CCDC81: variants seen among roughly 807,000 people sequenced by gnomAD.
The protein encoded by CCDC81 is coiled-coil domain-containing protein 81.
Under a neutral mutation model 83.7 loss-of-function variants are expected in CCDC81, and 79 were observed. The observed-to-expected ratio is 0.94, with a 90% CI of 0.79 to 1.14. CCDC81 has a LOEUF of 1.14. Among genes scored for constraint, CCDC81 ranks in the 50% most tolerant of loss-of-function variants. The pLI is 0.00. For missense variants in CCDC81, 791 were observed against 778.1 expected (o/e 1.02, Z -0.20); for synonymous variants, 252 against 278.1 (o/e 0.91, Z 0.93).
intron 4 of CCDC81, among the ~76,000 whole-genome samples, chr11:86,393,953 T>G (rs970409933): frequency 4.6e-5 from 7 of 152,184 alleles, no homozygotes; most frequent in African/African-American, 1.4e-4. Context: ...CATTTCTCCT[T>G]TTATGAAGCT....
chr11:86,391,901 G>A (rs146794604), intron 3 of CCDC81, among the ~76,000 whole-genome samples: 341 of 152,340 alleles, frequency 2.2e-3, no homozygotes, highest in African/African-American at 7.8e-3. Context: ...GGCAGAAGGT[G>A]CAGGGGAAGC....
intron 8 of CCDC81, 75 bp from the exon 9 acceptor site, chr11:86,408,052 A>C: frequency 6.8e-7 from 1 of 1,465,894 alleles, no homozygotes; most frequent in Non-Finnish European, 9.3e-7. Flanking sequence ...TAGCCTTTGG[A>C]GAGCTTGTGA....
Position 86,415,369 on chromosome 11 carries a change from T to C in CCDC81, c.1691+56T>C. 3 of 1,402,982 alleles carry C rather than the reference T, an allele frequency of 2.1e-6. No homozygotes were observed. In the South Asian group the frequency reaches 3.6e-5, roughly 17 times the overall value. 86.9% of individuals were successfully genotyped at this position (1,402,982 alleles called of 1,614,324 possible). A position where few individuals can be genotyped will look rare whatever the true frequency, so the allele number is the denominator to read the frequency against. Reference sequence around the variant, plus strand: ...CTTCTCCTCACTTATTCCGCTTCCTTTATCTCTCTTTTTCCACCCTGTCCC... The same window carrying C: ...CTTCTCCTCACTTATTCCGCTTCCTCTATCTCTCTTTTTCCACCCTGTCCC... On this transcript the variant is annotated intron_variant, in intron 13 of 14. Coordinates refer to ENST00000445632, the MANE Select transcript of CCDC81 (RefSeq NM_001156474.2).
intron 3 of CCDC81, among the ~76,000 whole-genome samples, chr11:86,388,968 T>C (rs965611509): frequency 1.3e-5 from 2 of 152,180 alleles, no homozygotes; most frequent in African/African-American, 4.8e-5. Flanking sequence ...CATATATGAC[T>C]GAATTAGTTC....
At chr11:86,386,234 A>G (rs982122869) in intron 2 of CCDC81, 122 bp downstream of exon 2, 4 of 279,246 alleles carry the variant, frequency 1.4e-5, no homozygotes, top group Non-Finnish European at 2.6e-5. Context: ...AGTAGACTTT[A>G]GAGCCATCCT....
chr11:86,402,621 A>G (rs188531504), intron 7 of CCDC81, among the ~76,000 whole-genome samples: 1 of 152,344 alleles, frequency 6.6e-6, no homozygotes, highest in African/African-American at 2.4e-5. Flanking sequence ...TAAAAACTTT[A>G]AAGTTAAATT....
intron 13 of CCDC81, among the ~76,000 whole-genome samples, chr11:86,417,720 T>A (rs542827059): frequency 1.7e-4 from 26 of 152,106 alleles, no homozygotes; most frequent in Non-Finnish European, 3.4e-4. Flanking sequence ...GGCTGCTGTG[T>A]CCAATGTACG....
chr11:86,406,204 C>T (rs1283526673), intron 7 of CCDC81, among the ~76,000 whole-genome samples: 1 of 152,162 alleles, frequency 6.6e-6, no homozygotes, highest in Non-Finnish European at 1.5e-5. Context: ...CTCTTGAGTG[C>T]TGATTCTTGG....
chr11:86,396,011 T>C lies in CCDC81; in HGVS notation c.635+598T>C, dbSNP rs76708520. ...TTAGTCCCTGCAGTATTAGTAAAAC[T>C]CTTCTCACCTGCTGAACTTTCCACT... On this transcript the variant is annotated intron_variant, in intron 5 of 14. Coordinates refer to ENST00000445632, the MANE Select transcript of CCDC81 (RefSeq NM_001156474.2). Among the ~76,000 whole-genome samples, 1,213 of 152,298 alleles carry C rather than the reference T, an allele frequency of 8.0e-3. 12 individuals carry two copies. The highest frequency in any genetic ancestry group is 0.028 in the African/African-American group (1,151 of 41,556).
rs185535956 is a variant in CCDC81, at chr11:86,405,742, A to C, written c.882-1872A>C. On this transcript the variant is annotated intron_variant, in intron 7 of 14. Coordinates refer to ENST00000445632, the MANE Select transcript of CCDC81 (RefSeq NM_001156474.2). The stretch of plus-strand genomic sequence containing the variant: ...CAATGATTAATTTGGATTTGTCAAC[A>C]TGTTTTACCAATTTCTTTGGTCACC... Among the ~76,000 whole-genome samples, 16 of 149,306 alleles carry C rather than the reference A, an allele frequency of 1.1e-4. No individual in the cohort carries two copies. In the East Asian group the frequency reaches 2.7e-3, roughly 25 times the overall value.
chr11:86,419,737 C>A, intron 13 of CCDC81, 191 bp from the exon 14 acceptor site: 1 of 459,222 alleles, frequency 2.2e-6, no homozygotes. Flanking sequence ...GATAAAAGAC[C>A]TTTGATCCAT....
intron 7 of CCDC81, among the ~76,000 whole-genome samples, chr11:86,401,742 A>G (rs1948490719): frequency 6.6e-6 from 1 of 152,182 alleles, no homozygotes; most frequent in African/African-American, 2.4e-5. Context: ...CGAAGACAAC[A>G]AAAGTACAGA....
At chr11:86,420,188 A>T in intron 14 of CCDC81, 135 bp downstream of exon 14, 1 of 982,520 alleles carries the variant, frequency 1.0e-6, no homozygotes, top group Non-Finnish European at 1.5e-6. Flanking sequence ...TCCATGGGAA[A>T]TACTGCCGTG....
rs949381230 is a variant in CCDC81, at chr11:86,385,974, T to G, written c.80-77T>G. The G allele has an allele frequency of 1.4e-5, 10 of 694,572 alleles. No individual in the cohort carries two copies. In the South Asian group the frequency reaches 1.7e-4, roughly 12 times the overall value. 43.0% of individuals were successfully genotyped at this position (694,572 alleles called of 1,614,324 possible). A position where few individuals can be genotyped will look rare whatever the true frequency, so the allele number is the denominator to read the frequency against. On this transcript the variant is annotated intron_variant, in intron 1 of 14. Coordinates refer to ENST00000445632, the MANE Select transcript of CCDC81 (RefSeq NM_001156474.2). ...GCTTCCACATTTCATATTTACATTT[T>G]TATTTATTAGCACTAAGATACTGTC... is the stretch of plus-strand genomic sequence containing the variant.
intron 3 of CCDC81, among the ~76,000 whole-genome samples, chr11:86,389,757 G>A (rs1315348782): frequency 1.3e-5 from 2 of 152,074 alleles, no homozygotes; most frequent in Non-Finnish European, 2.9e-5. Context: ...ATTTTATAGT[G>A]GTTTTTAAAT....
chr11:86,415,612 C>G (rs1362252007), intron 13 of CCDC81, among the ~76,000 whole-genome samples: 1 of 152,190 alleles, frequency 6.6e-6, no homozygotes, highest in Non-Finnish European at 1.5e-5. Flanking sequence ...ACATTCCCAA[C>G]CAATAGCATA....
At chr11:86,379,916 G>A (rs912011556) in intron 1 of CCDC81, among the ~76,000 whole-genome samples, 1 of 152,168 alleles carries the variant, frequency 6.6e-6, no homozygotes, top group Non-Finnish European at 1.5e-5. Context: ...AGCCTAGCAG[G>A]TGGAGGTTGC....
chr11:86,390,933 T>A (rs11234630), intron 3 of CCDC81, among the ~76,000 whole-genome samples: 18,123 of 152,188 alleles, frequency 0.12, 1,136 homozygotes, highest in East Asian at 0.27. Context: ...AAGATTTGGA[T>A]GTTTACCTAG....
rs760460166 is a variant in CCDC81, at chr11:86,415,288, C to G, written c.1666C>G (p.Gln556Glu). The G allele has an allele frequency of 1.9e-6, 3 of 1,613,992 alleles. No individual in the cohort carries two copies. The highest frequency in any genetic ancestry group is 2.5e-6 in the Non-Finnish European group (3 of 1,179,952). Reference protein sequence around the residue: ...HQLVDQRRDLQMLQRTQREHL... With the variant: ...HQLVDQRRDLEMLQRTQREHL... ...ACTAGTGGACCAGAGGCGGGATTTGCAAATGCTTCAGAGGACACAAAGAGA... is the reference window on the plus strand; with the variant it reads ...ACTAGTGGACCAGAGGCGGGATTTGGAAATGCTTCAGAGGACACAAAGAGA... Residue 556 changes from glutamine to glutamate, a missense_variant, in exon 13 of 15, where the codon CAA becomes GAA. By Grantham distance (29) the Gln-to-Glu change is conservative. Transcript: ENST00000445632.
Sources: allele counts gnomAD v4.1 joint callset (sites outside exome capture counted in the v4.1 genomes callset), GRCh38; gene constraint gnomAD v4.1.1; transcripts MANE v1.5; gene names NCBI Gene and HGNC (gene_info 2026-07-23, HGNC 2026-07-21).